The following CNTN4 variants were observed in gnomAD, a reference collection of about 807,000 sequenced individuals.
CNTN4 encodes contactin 4, also known as contactin-4.
A neutral mutation model predicts 122.5 loss-of-function variants in CNTN4; 77 were observed. That is an observed-to-expected ratio of 0.63 (90% CI 0.52 to 0.76). The LOEUF is 0.76. Among genes scored for constraint, CNTN4 ranks in the 30% least tolerant of loss-of-function variants. The probability of loss-of-function intolerance (pLI) is 0.00; values close to 1 mark genes in which losing one functional copy is unlikely to be tolerated. For missense variants in CNTN4, 1,256 were observed against 1,259.1 expected, an observed-to-expected ratio of 1.00 and a Z score of 0.04; for synonymous variants, 512 against 447.0, an observed-to-expected ratio of 1.15 and a Z score of -1.83.
chr3:2,679,579 G>C (rs1387127073), intron 4 of CNTN4, among the ~76,000 whole-genome samples: 1 of 152,192 alleles, frequency 6.6e-6, no homozygotes, highest in Non-Finnish European at 1.5e-5. Context: ...ATACTTGTTA[G>C]AATGGATTTG....
At chr3:2,884,761 C>T (rs1013274692) in intron 9 of CNTN4, among the ~76,000 whole-genome samples, 4 of 152,154 alleles carry the variant, frequency 2.6e-5, no homozygotes, top group Admixed American at 6.5e-5. Context: ...GCAGAATTCA[C>T]GTTGTTCACA....
At chr3:2,871,882 T>G (rs911186012) in intron 8 of CNTN4, among the ~76,000 whole-genome samples, 8 of 152,342 alleles carry the variant, frequency 5.3e-5, no homozygotes, top group African/African-American at 1.9e-4. Flanking sequence ...TAGATATATG[T>G]GAGAACAGAT....
intron 2 of CNTN4, among the ~76,000 whole-genome samples, chr3:2,299,347 G>A (rs887430393): frequency 2.6e-5 from 4 of 151,896 alleles, no homozygotes; most frequent in Non-Finnish European, 1.5e-5. Context: ...TTTTATTTGG[G>A]GTACGAGTGT....
At chr3:2,842,784 G>T (rs1406317914) in intron 7 of CNTN4, among the ~76,000 whole-genome samples, 1 of 152,092 alleles carries the variant, frequency 6.6e-6, no homozygotes, top group Admixed American at 6.6e-5. Flanking sequence ...GCTTCTTGTG[G>T]CTTTTGGGCT....
rs139773650 is a variant in CNTN4, at chr3:2,581,278, A to G, written c.55+9720A>G. Among the ~76,000 whole-genome samples the G allele has an allele frequency of 1.8e-3, 273 of 152,162 alleles. 2 individuals are homozygous for G. Among genetic ancestry groups the G allele is most frequent in the Middle Eastern group, 6.8e-3 (2 of 292 alleles). Reference sequence around the variant, plus strand: ...TCTCAGCTAAAGCTATACCTTAAGTACTCTGAGGTCAGACCAGAATCCATT... The same window carrying G: ...TCTCAGCTAAAGCTATACCTTAAGTGCTCTGAGGTCAGACCAGAATCCATT... On this transcript the variant is annotated intron_variant, in intron 4 of 24. Transcript: ENST00000418658.
intron 2 of CNTN4, among the ~76,000 whole-genome samples, chr3:2,145,719 A>G (rs899504134): frequency 1.3e-5 from 2 of 152,232 alleles, no homozygotes; most frequent in East Asian, 1.9e-4. Context: ...TGAAATTTCA[A>G]TCCTATTTGT....
intron 2 of CNTN4, among the ~76,000 whole-genome samples, chr3:2,245,899 T>C (rs1430991458): frequency 6.6e-6 from 1 of 152,048 alleles, no homozygotes; most frequent in East Asian, 1.9e-4. Context: ...GTTCCTTTTT[T>C]GAGAATTATT....
chr3:3,023,608 A>C (rs1162222960), intron 14 of CNTN4, among the ~76,000 whole-genome samples: 1 of 152,148 alleles, frequency 6.6e-6, no homozygotes, highest in Non-Finnish European at 1.5e-5. Context: ...AGTTTTAGGG[A>C]CTGGAGCCTG....
intron 11 of CNTN4, among the ~76,000 whole-genome samples, chr3:2,901,234 G>T (rs1489065021): frequency 6.6e-6 from 1 of 152,208 alleles, no homozygotes; most frequent in African/African-American, 2.4e-5. Flanking sequence ...CAGGGGTAGA[G>T]CGGAGACCCT....
intron 18 of CNTN4, among the ~76,000 whole-genome samples, chr3:3,038,238 A>G (rs1473546869): frequency 1.3e-5 from 2 of 152,206 alleles, no homozygotes; most frequent in East Asian, 1.9e-4. Context: ...TTCCAAAACC[A>G]TAATTGAATT....
intron 7 of CNTN4, among the ~76,000 whole-genome samples, chr3:2,845,831 A>G (rs1309501550): frequency 1.3e-5 from 2 of 152,222 alleles, no homozygotes; most frequent in East Asian, 3.9e-4. Flanking sequence ...CTTTGATGCT[A>G]CAATACCTTT....
chr3:2,965,639 T>A (rs1215558198), intron 13 of CNTN4, among the ~76,000 whole-genome samples: 1 of 152,232 alleles, frequency 6.6e-6, no homozygotes, highest in Non-Finnish European at 1.5e-5. Flanking sequence ...TTCACCAGCA[T>A]GATCTTTCCA....
chr3:2,384,439 G>A (rs1282863785), intron 3 of CNTN4, among the ~76,000 whole-genome samples: 1 of 152,058 alleles, frequency 6.6e-6, no homozygotes, highest in African/African-American at 2.4e-5. Context: ...ATTAAATTGT[G>A]GGGAAAAAGC....
chr3:2,987,641 T>G (rs1309056237), intron 13 of CNTN4, among the ~76,000 whole-genome samples: 1 of 152,242 alleles, frequency 6.6e-6, no homozygotes, highest in Non-Finnish European at 1.5e-5. Flanking sequence ...ACTTCTCTTC[T>G]GGTAGTCATG....
intron 14 of CNTN4, among the ~76,000 whole-genome samples, chr3:3,025,528 A>G (rs1293067485): frequency 6.6e-6 from 1 of 152,186 alleles, no homozygotes; most frequent in Non-Finnish European, 1.5e-5. Flanking sequence ...AAAACAACTG[A>G]AAAACTGTGA....
At chr3:2,145,557 C>G (rs145044191) in intron 2 of CNTN4, among the ~76,000 whole-genome samples, 1 of 152,018 alleles carries the variant, frequency 6.6e-6, no homozygotes, top group Non-Finnish European at 1.5e-5. Flanking sequence ...AGGAAAGGAC[C>G]GGCAGATTGG....
chr3:2,998,209 GAAATT>G (rs1321247707), intron 14 of CNTN4, among the ~76,000 whole-genome samples: 1 of 152,152 alleles, frequency 6.6e-6, no homozygotes, highest in Non-Finnish European at 1.5e-5. Flanking sequence ...TAAGACAAAG[GAAATT>G]AAATTATAAT....
At chr3:2,532,692 T>C (rs1285386203) in intron 3 of CNTN4, among the ~76,000 whole-genome samples, 4 of 152,302 alleles carry the variant, frequency 2.6e-5, no homozygotes, top group African/African-American at 9.6e-5. Flanking sequence ...GTGAAAACTA[T>C]TGTAAATATT....
intron 2 of CNTN4, among the ~76,000 whole-genome samples, chr3:2,291,347 G>A (rs1299229901): frequency 6.6e-6 from 1 of 152,020 alleles, no homozygotes; most frequent in Admixed American, 6.6e-5. Context: ...CACTATTCAA[G>A]AATTTATCTC....
Sources: gnomAD v4.1 joint callset for allele counts (sites outside exome capture counted in the v4.1 genomes callset) on GRCh38, gnomAD v4.1.1 for gene constraint, MANE v1.5 for transcripts, NCBI Gene and HGNC (gene_info 2026-07-23, HGNC 2026-07-21) for gene names.